The following TBPL2 variants were observed in gnomAD, a reference collection of about 807,000 sequenced individuals.
The protein encoded by TBPL2 is TATA-box binding protein like 2.
Under a neutral mutation model 38.2 loss-of-function variants are expected in TBPL2, and 40 were observed. The observed-to-expected ratio is 1.05, with a 90% CI of 0.81 to 1.36. The LOEUF (loss-of-function observed/expected upper bound fraction) is 1.36. TBPL2 is among the 40% of genes most tolerant of loss of function. The pLI, the probability that TBPL2 is intolerant of heterozygous loss-of-function variation, is 0.00. For missense variants in TBPL2, 461 were observed against 456.7 expected (o/e 1.01, Z -0.09); for synonymous variants, 169 against 171.7 (o/e 0.98, Z 0.12).
chr14:55,433,761 A>C (rs779333285), intron 3 of TBPL2, 40 bp from the exon 4 acceptor site: 1 of 1,577,098 alleles, frequency 6.3e-7, no homozygotes, highest in Admixed American at 1.8e-5. Flanking sequence ...CTCTGCTAGG[A>C]GTTAACATTA....
intron 1 of TBPL2, among the ~76,000 whole-genome samples, chr14:55,439,191 G>A (rs113417629): frequency 0.059 from 8,949 of 150,478 alleles, 339 homozygotes; most frequent in Non-Finnish European, 0.086. Flanking sequence ...CACGTGCCTC[G>A]GCCTCCCAAA....
At chr14:55,440,564 C>G in exon 1 of TBPL2, 1 of 1,569,092 alleles carries the variant, frequency 6.4e-7, no homozygotes, top group Non-Finnish European at 8.6e-7. Flanking sequence ...CTGGGGGCAG[C>G]GAGGCGGGGC....
intron 4 of TBPL2, among the ~76,000 whole-genome samples, 198 bp from the exon 5 acceptor site, chr14:55,429,172 T>A (rs1243000477): frequency 6.6e-6 from 1 of 152,264 alleles, no homozygotes; most frequent in Admixed American, 6.5e-5. Flanking sequence ...ATTGTACAGC[T>A]GTTGAACAGA....
exon 2 of TBPL2, chr14:55,437,002 G>A (rs894696602): frequency 6.2e-7 from 1 of 1,614,036 alleles, no homozygotes; most frequent in Admixed American, 1.7e-5. Context: ...GGGAGACCTG[G>A]GTGGGGCAAG....
At chr14:55,418,950 C>G (rs1438196877) in intron 6 of TBPL2, among the ~76,000 whole-genome samples, 1 of 152,162 alleles carries the variant, frequency 6.6e-6, no homozygotes. Flanking sequence ...GAAACCAAGT[C>G]GGAGAACTTA....
intron 5 of TBPL2, among the ~76,000 whole-genome samples, chr14:55,425,811 C>A (rs1163274585): frequency 6.6e-6 from 1 of 152,250 alleles, no homozygotes; most frequent in Non-Finnish European, 1.5e-5. Flanking sequence ...TGTTTCATTA[C>A]TGTCATTGAC....
chr14:55,429,055 T>C lies in TBPL2; in HGVS notation c.789-81A>G, dbSNP rs1056002885. On this transcript the variant is annotated intron_variant, in intron 4 of 6. Coordinates refer to ENST00000247219, the Ensembl canonical transcript of TBPL2. ...CTGGTGTTGTATTGGATTGTTACCA[T>C]TTGTACCACGTTTATCTTTCAATGT... The C allele has an allele frequency of 3.3e-6, 5 of 1,514,484 alleles. No homozygotes were observed. In the East Asian group the frequency reaches 9.0e-5, roughly 27 times the overall value. The allele number at this position is 1,514,484 out of a possible 1,614,324, so 93.8% of individuals were successfully genotyped here.
intron 6 of TBPL2, among the ~76,000 whole-genome samples, chr14:55,416,303 G>A (rs958011296): frequency 5.9e-5 from 9 of 152,070 alleles, no homozygotes; most frequent in Admixed American, 3.3e-4. Flanking sequence ...AATTTTTTAA[G>A]AAATAAGGGC....
chr14:55,425,287 G>A (rs1885804103), intron 5 of TBPL2, among the ~76,000 whole-genome samples: 1 of 152,116 alleles, frequency 6.6e-6, no homozygotes, highest in Non-Finnish European at 1.5e-5. Flanking sequence ...CCCAACACTG[G>A]GGAGACCATG....
intron 5 of TBPL2, among the ~76,000 whole-genome samples, chr14:55,428,106 T>TCA (rs1169537231): frequency 5.8e-5 from 8 of 138,856 alleles, no homozygotes; most frequent in Non-Finnish European, 9.2e-5. Flanking sequence ...CTAGTCCATT[T>TCA]CACATGCCTT....
At chr14:55,425,846 T>C (rs1885812680) in intron 5 of TBPL2, among the ~76,000 whole-genome samples, 1 of 152,258 alleles carries the variant, frequency 6.6e-6, no homozygotes, top group South Asian at 2.1e-4. Flanking sequence ...TTTTAGACAG[T>C]GATCTCTATG....
chr14:55,422,544 C>A (rs936587820), intron 6 of TBPL2, among the ~76,000 whole-genome samples: 1 of 152,106 alleles, frequency 6.6e-6, no homozygotes, highest in East Asian at 1.9e-4. Flanking sequence ...CCACCGCGCC[C>A]GGTCATAAAA....
intron 6 of TBPL2, among the ~76,000 whole-genome samples, chr14:55,417,604 C>G (rs1885687477): frequency 6.6e-6 from 1 of 152,084 alleles, no homozygotes; most frequent in Admixed American, 6.6e-5. Context: ...GGATTACAGG[C>G]AAGCACCACC....
At chr14:55,427,667 T>C (rs1279402560) in intron 5 of TBPL2, among the ~76,000 whole-genome samples, 1 of 151,920 alleles carries the variant, frequency 6.6e-6, no homozygotes, top group Non-Finnish European at 1.5e-5. Flanking sequence ...TCACCCTCCA[T>C]CCCTGCTCTC....
At chr14:55,440,219 C>T (rs1346584326) in intron 1 of TBPL2, among the ~76,000 whole-genome samples, 177 bp downstream of exon 1, 3 of 152,212 alleles carry the variant, frequency 2.0e-5, no homozygotes, top group Non-Finnish European at 4.4e-5. Context: ...CTCTGTTTGG[C>T]AACCTTGGTC....
Position 55,428,909 on chromosome 14 carries a change from G to T in TBPL2, c.854C>A (p.Ala285Asp), listed in dbSNP as rs1395909334. Residue 285 changes from alanine to aspartate, a missense_variant, in exon 5 of 7, where the codon GCC becomes GAC. Coordinates refer to ENST00000247219, the Ensembl canonical transcript of TBPL2. ...CTGAATTTTAAAATCGAGGAATCTG[G>T]CAGGGAACCCAAGCTTCTGCACCAC... 3 of 1,614,054 alleles carry T rather than the reference G, an allele frequency of 1.9e-6. No individual in the cohort carries two copies. The highest frequency in any genetic ancestry group is 2.7e-5 in the African/African-American group (2 of 74,900).
intron 6 of TBPL2, 145 bp downstream of exon 6, chr14:55,424,014 T>C: frequency 3.4e-6 from 2 of 587,902 alleles, no homozygotes; most frequent in South Asian, 2.6e-5. Context: ...CTATGGGTGA[T>C]GTTATTCCTT....
intron 3 of TBPL2, 37 bp from the exon 4 acceptor site, chr14:55,433,758 A>G: frequency 1.3e-6 from 2 of 1,587,480 alleles, no homozygotes; most frequent in Non-Finnish European, 1.7e-6. Flanking sequence ...AGCCTCTGCT[A>G]GGAGTTAACA....
rs186335262 is a variant in TBPL2, at chr14:55,415,386, G to A, written c.1052-931C>T. Among the ~76,000 whole-genome samples, 726 of 152,320 alleles carry A rather than the reference G, an allele frequency of 4.8e-3. 6 individuals are homozygous for A. Among genetic ancestry groups the A allele is most frequent in the African/African-American group, 0.016 (676 of 41,578 alleles). Reference sequence around the variant, plus strand: ...AGGAACAAAAAATGGCTCAGCTACTGTGGAAACTAGTTCGGTGGTTAAGTT... The same window carrying A: ...AGGAACAAAAAATGGCTCAGCTACTATGGAAACTAGTTCGGTGGTTAAGTT... On this transcript the variant is annotated intron_variant, in intron 6 of 6. Coordinates refer to ENST00000247219, the Ensembl canonical transcript of TBPL2.
Sources: allele counts gnomAD v4.1 joint callset (sites outside exome capture counted in the v4.1 genomes callset), GRCh38; gene constraint gnomAD v4.1.1; transcripts MANE v1.5; gene names NCBI Gene and HGNC (gene_info 2026-07-23, HGNC 2026-07-21).